The following NLGN1 variants were observed in gnomAD, a reference collection of about 807,000 sequenced individuals.
NLGN1 encodes neuroligin 1, also known as neuroligin-1.
NLGN1 carries 12 observed loss-of-function variants against 65.5 expected under a neutral mutation model. The ratio of observed to expected loss-of-function variants is 0.18; its 90% CI spans 0.12 to 0.30. The LOEUF (loss-of-function observed/expected upper bound fraction) is 0.30, where lower values mean the gene tolerates loss of function less well. Among genes scored for constraint, NLGN1 ranks in the 10% least tolerant of loss-of-function variants. The pLI is 1.00. For synonymous variants in NLGN1, 350 were observed against 359.5 expected (o/e 0.97, Z 0.30); for missense variants, 750 against 1,007.1 (o/e 0.74, Z 3.46).
chr3:173,894,618 CT>C (rs1460519985), intron 4 of NLGN1, among the ~76,000 whole-genome samples: 3 of 141,980 alleles, frequency 2.1e-5, no homozygotes, highest in Middle Eastern at 3.6e-3. Flanking sequence ...AATTTCTTTT[CT>C]TTTTTTTCTT....
intron 2 of NLGN1, among the ~76,000 whole-genome samples, chr3:173,602,606 A>G (rs1486609032): frequency 6.6e-6 from 1 of 152,036 alleles, no homozygotes; most frequent in Non-Finnish European, 1.5e-5. Flanking sequence ...TAACAAAACA[A>G]GTATTTGATA....
At chr3:173,907,110 T>G (rs1738576939) in intron 4 of NLGN1, among the ~76,000 whole-genome samples, 1 of 152,108 alleles carries the variant, frequency 6.6e-6, no homozygotes, top group South Asian at 2.1e-4. Flanking sequence ...ACATGAAATA[T>G]CCACATCTTA....
intron 4 of NLGN1, among the ~76,000 whole-genome samples, chr3:174,236,530 TA>T (rs1444085467): frequency 6.6e-6 from 1 of 152,064 alleles, no homozygotes; most frequent in Non-Finnish European, 1.5e-5. Context: ...TCCCTCTTTT[TA>T]AAAAAATTTA....
Position 174,202,608 on chromosome 3 carries a change from A to G in NLGN1, c.647-72707A>G, listed in dbSNP as rs202059296. On this transcript the variant is annotated intron_variant, in intron 4 of 6. Coordinates refer to ENST00000457714, the Ensembl canonical transcript of NLGN1. ...TTAGTTGTGCTGTGTGTATATTTTC[A>G]GCCTGAGTTTTCTTTGTTCCTTACT... 6 of 152,066 alleles carry G rather than the reference A, an allele frequency of 3.9e-5. No homozygotes were observed. The East Asian group carries it at 7.7e-4, about 20-fold the overall frequency. The allele number at this position is 152,066 out of a possible 1,614,324, so 9.4% of individuals were successfully genotyped here.
chr3:173,605,780 A>C (rs987222350), intron 3 of NLGN1, among the ~76,000 whole-genome samples, 187 bp downstream of exon 3: 1 of 152,096 alleles, frequency 6.6e-6, no homozygotes, highest in Admixed American at 6.6e-5. Flanking sequence ...TTACATTGGC[A>C]AAGCTCATTG....
rs111939440 is a variant in NLGN1, at chr3:173,406,355, G to A, written c.-390+7868G>A. ...TCTTTAAAAGAATTATCAGTAAGAA[G>A]CAAGAGAAAATTGACAGGTAAAAAT... On this transcript the variant is annotated intron_variant, in intron 1 of 6. Transcript: ENST00000457714. Among the ~76,000 whole-genome samples, 290 of 151,430 alleles carry A rather than the reference G, an allele frequency of 1.9e-3. 1 individual carries two copies. The highest frequency in any genetic ancestry group is 6.6e-3 in the African/African-American group (273 of 41,366).
At chr3:173,859,054 A>T (rs1277220357) in intron 4 of NLGN1, among the ~76,000 whole-genome samples, 1 of 152,042 alleles carries the variant, frequency 6.6e-6, no homozygotes, top group Non-Finnish European at 1.5e-5. Flanking sequence ...CCCTACTTCA[A>T]TATAGTTTAA....
intron 3 of NLGN1, among the ~76,000 whole-genome samples, chr3:173,641,423 T>G (rs958156276): frequency 3.3e-5 from 5 of 152,146 alleles, no homozygotes; most frequent in Non-Finnish European, 7.4e-5. Flanking sequence ...GCTTCTCAAA[T>G]AGCTGGGATT....
intron 4 of NLGN1, among the ~76,000 whole-genome samples, chr3:173,862,094 G>C (rs185011520): frequency 1.3e-5 from 2 of 151,934 alleles, no homozygotes; most frequent in East Asian, 3.9e-4. Flanking sequence ...ACCACTCTAG[G>C]TAGTTAAAAA....
intron 4 of NLGN1, among the ~76,000 whole-genome samples, chr3:173,903,861 T>C (rs1737844006): frequency 6.6e-6 from 1 of 152,180 alleles, no homozygotes; most frequent in South Asian, 2.1e-4. Context: ...AGATCTTTTA[T>C]TACATCCTTT....
intron 2 of NLGN1, among the ~76,000 whole-genome samples, chr3:173,484,033 G>T (rs948123151): frequency 6.6e-6 from 1 of 151,912 alleles, no homozygotes; most frequent in African/African-American, 2.4e-5. Context: ...ACATCTTGTC[G>T]TAGATGTTTA....
intron 4 of NLGN1, among the ~76,000 whole-genome samples, chr3:173,817,497 C>G (rs1420869022): frequency 2.0e-5 from 3 of 152,172 alleles, no homozygotes; most frequent in East Asian, 3.8e-4. Flanking sequence ...GAGGGACCTG[C>G]TGAGGCTGGA....
At chr3:173,992,724 T>A (rs922590752) in intron 4 of NLGN1, among the ~76,000 whole-genome samples, 1 of 152,196 alleles carries the variant, frequency 6.6e-6, no homozygotes, top group African/African-American at 2.4e-5. Flanking sequence ...TATTCTTTCA[T>A]TTTTATAGAC....
intron 4 of NLGN1, among the ~76,000 whole-genome samples, chr3:174,014,074 G>A (rs182400948): frequency 6.6e-5 from 10 of 152,154 alleles, no homozygotes; most frequent in South Asian, 2.1e-4. Flanking sequence ...ATATTGCCAC[G>A]TCTTAGGTAA....
At chr3:174,013,794 G>A (rs570095413) in intron 4 of NLGN1, among the ~76,000 whole-genome samples, 9 of 152,118 alleles carry the variant, frequency 5.9e-5, no homozygotes, top group East Asian at 1.9e-4. Flanking sequence ...GCTCACTGCC[G>A]CAGCCTCAAC....
intron 4 of NLGN1, among the ~76,000 whole-genome samples, chr3:174,058,756 G>GA (rs531344789): frequency 5.3e-5 from 8 of 150,748 alleles, no homozygotes; most frequent in South Asian, 4.2e-4. Flanking sequence ...TAGTTATAGT[G>GA]AAAAAAAAAT....
chr3:174,184,133 A>G (rs1489349841), intron 4 of NLGN1, among the ~76,000 whole-genome samples: 3 of 152,182 alleles, frequency 2.0e-5, no homozygotes, highest in African/African-American at 4.8e-5. Context: ...GAAATACAAA[A>G]GTCAATAACA....
intron 2 of NLGN1, among the ~76,000 whole-genome samples, chr3:173,589,324 T>G (rs1000473619): frequency 6.6e-6 from 1 of 152,222 alleles, no homozygotes; most frequent in Non-Finnish European, 1.5e-5. Flanking sequence ...CCTACTTTTC[T>G]AATGCTACAT....
intron 2 of NLGN1, among the ~76,000 whole-genome samples, chr3:173,581,039 A>C: frequency 6.6e-6 from 1 of 151,994 alleles, no homozygotes; most frequent in African/African-American, 2.4e-5. Context: ...CTTCTCCCTT[A>C]TCTTTCTATT....
Sources: gnomAD v4.1 joint callset for allele counts (sites outside exome capture counted in the v4.1 genomes callset) on GRCh38, gnomAD v4.1.1 for gene constraint, MANE v1.5 for transcripts, NCBI Gene and HGNC (gene_info 2026-07-23, HGNC 2026-07-21) for gene names.